Variants in SLC2A5 observed in about 807,000 individuals in gnomAD.
The protein encoded by SLC2A5 is solute carrier family 2 member 5.
Under a neutral mutation model 50.3 loss-of-function variants are expected in SLC2A5, and 56 were observed. The ratio of observed to expected loss-of-function variants is 1.11; its 90% CI spans 0.90 to 1.39. The LOEUF (loss-of-function observed/expected upper bound fraction) is 1.39, where lower values mean the gene tolerates loss of function less well. SLC2A5 is among the 40% of genes most tolerant of loss of function. The probability of loss-of-function intolerance (pLI) is 0.00; values close to 1 mark genes in which losing one functional copy is unlikely to be tolerated. For synonymous variants in SLC2A5, 269 were observed against 281.9 expected (o/e 0.95, Z 0.46); for missense variants, 566 against 650.1 (o/e 0.87, Z 1.41).
chr1:9,065,134 C>T (rs1020991392), intron 1 of SLC2A5, among the ~76,000 whole-genome samples: 12 of 151,926 alleles, frequency 7.9e-5, no homozygotes, highest in African/African-American at 2.2e-4. Flanking sequence ...TAACAAACAC[C>T]GTTTGTAATC....
At chr1:9,064,945 C>T (rs949852030) in intron 1 of SLC2A5, among the ~76,000 whole-genome samples, 10 of 151,192 alleles carry the variant, frequency 6.6e-5, no homozygotes, top group African/African-American at 9.7e-5. Flanking sequence ...CCCAGCTACT[C>T]GGGAGGCTGA....
chr1:9,077,627 C>A (rs977984766), intron 2 of SLC2A5, among the ~76,000 whole-genome samples: 6 of 150,094 alleles, frequency 4.0e-5, no homozygotes, highest in African/African-American at 1.5e-4. Context: ...TGGTGGCAGG[C>A]ACCTGTAATT....
Position 9,040,408 on chromosome 1 carries a change from C to A in SLC2A5, c.572-219G>T. The A allele has an allele frequency of 3.4e-6, 2 of 580,192 alleles. No individual in the cohort carries two copies. The highest frequency in any genetic ancestry group is 6.0e-6 in the Non-Finnish European group (2 of 331,606). 35.9% of individuals were successfully genotyped at this position (580,192 alleles called of 1,614,324 possible). A position where few individuals can be genotyped will look rare whatever the true frequency, so the allele number is the denominator to read the frequency against. The stretch of plus-strand genomic sequence containing the variant: ...GCACCCCTGCGCCCATCAGACAGAC[C>A]ACACCGACGAGGCCGGTAATACCAT... On this transcript the variant is annotated intron_variant, in intron 5 of 11. Transcript: ENST00000377424. The surrounding 1 kb of genome is among the most constrained non-coding windows in gnomAD (Gnocchi z 4.3).
At chr1:9,082,850 C>T (rs1642368695) in intron 2 of SLC2A5, 9 of 363,102 alleles carry the variant, frequency 2.5e-5, no homozygotes, top group East Asian at 9.1e-5. Context: ...AGCAGCAGTT[C>T]GATGATCATG....
At chr1:9,091,392 C>A (rs936915056), upstream of SLC2A5, among the ~76,000 whole-genome samples, 1 of 152,188 alleles carries the variant, frequency 6.6e-6, no homozygotes. Flanking sequence ...AACAACTGGA[C>A]CCCGTTTATA....
At position 9,069,542 on chromosome 1, in the gene SLC2A5, C is replaced by T; in HGVS notation, c.-6G>A. 6.2e-7 allele frequency: 1 copy of T among 1,614,098 alleles called. No individual in the cohort carries two copies. The highest frequency in any genetic ancestry group is 1.1e-5 in the South Asian group (1 of 91,062). ...CTCTGATCCTGTTGCTCCATGCTTGCTCTGGAAGGGCAGAGTGCCGCTCAC... is the reference window on the plus strand; with the variant it reads ...CTCTGATCCTGTTGCTCCATGCTTGTTCTGGAAGGGCAGAGTGCCGCTCAC... On this transcript the variant is annotated 5_prime_UTR_variant, in exon 1 of 12. Transcript: ENST00000377424.
chr1:9,041,755 G>C, intron 5 of SLC2A5, 30 bp downstream of exon 5: 4 of 1,614,022 alleles, frequency 2.5e-6, no homozygotes, highest in Non-Finnish European at 3.4e-6. Flanking sequence ...GTGAAGGGGT[G>C]GGGGTGCTCC....
intron 2 of SLC2A5, among the ~76,000 whole-genome samples, chr1:9,079,881 T>C (rs1642333775): frequency 1.3e-5 from 2 of 152,248 alleles, no homozygotes; most frequent in African/African-American, 4.8e-5. Context: ...GGTAAGTATA[T>C]TCACATTGTT....
At chr1:9,059,536 C>CTTTTTTTT (rs58395185) in intron 1 of SLC2A5, among the ~76,000 whole-genome samples, 22,190 of 97,668 alleles carry the variant, frequency 0.23, 3,718 homozygotes, top group African/African-American at 0.25. Context: ...TACAGAGAAT[C>CTTTTTTTT]TTTTTTTTTT....
intron 2 of SLC2A5, among the ~76,000 whole-genome samples, chr1:9,077,588 A>C (rs1642303079): frequency 1.1e-5 from 1 of 94,008 alleles, no homozygotes; most frequent in African/African-American, 5.3e-5. Context: ...TAAAAATACA[A>C]AAAAAAAAAG....
In SLC2A5 at chr1:9,037,710, G is replaced by A. The variant is rs142910372; in HGVS notation, c.1382C>T (p.Pro461Leu). Residue 461 changes from proline (P) to leucine (L), a missense_variant, in exon 12 of 12, where the codon CCG becomes CTG. Transcript: ENST00000377424. ...LTTIYIFLIV[P>L]ETKAKTFIEI... Reference sequence around the variant, plus strand: ...TATGAACGTCTTGGCCTTGGTCTCCGGGACAATCAAGAAGATGTAGATGGT... The same window carrying A: ...TATGAACGTCTTGGCCTTGGTCTCCAGGACAATCAAGAAGATGTAGATGGT... The A allele has an allele frequency of 1.2e-4, 190 of 1,614,040 alleles. No individual in the cohort carries two copies. Among genetic ancestry groups the A allele is most frequent in the Non-Finnish European group, 1.5e-4 (178 of 1,180,024 alleles).
chr1:9,092,360 G>A (rs1462458873), upstream of SLC2A5, among the ~76,000 whole-genome samples: 1 of 151,992 alleles, frequency 6.6e-6, no homozygotes, highest in Non-Finnish European at 1.5e-5. Flanking sequence ...CTCTTCTACG[G>A]GACATTCACA....
At chr1:9,072,611 G>T (rs1344048740), upstream of SLC2A5, among the ~76,000 whole-genome samples, 1 of 151,954 alleles carries the variant, frequency 6.6e-6, no homozygotes, top group East Asian at 1.9e-4. Flanking sequence ...ACAATCACTT[G>T]GTGATAGGAT....
intron 3 of SLC2A5, among the ~76,000 whole-genome samples, chr1:9,050,289 A>AT (rs1307154148): frequency 3.3e-5 from 5 of 151,542 alleles, no homozygotes; most frequent in Non-Finnish European, 7.4e-5. Flanking sequence ...AAAAAAAAAA[A>AT]GAAAAAATTC....
chr1:9,081,283 C>CAAAAA (rs1250033751), intron 2 of SLC2A5, among the ~76,000 whole-genome samples: 1 of 123,392 alleles, frequency 8.1e-6, no homozygotes, highest in African/African-American at 3.2e-5. Context: ...AAAAAAACCC[C>CAAAAA]AAAAAAAAAA....
chr1:9,039,693 C>T (rs1460938045), intron 7 of SLC2A5, 31 bp from the exon 8 acceptor site: 7 of 1,478,832 alleles, frequency 4.7e-6, no homozygotes, highest in Non-Finnish European at 5.4e-6. Context: ...TGGGCGGCTG[C>T]CCGGAGGAGG....
At chr1:9,072,876 C>A (rs1413076392), upstream of SLC2A5, among the ~76,000 whole-genome samples, 2 of 151,208 alleles carry the variant, frequency 1.3e-5, no homozygotes, top group African/African-American at 4.9e-5. Flanking sequence ...GTAGGAGAAT[C>A]GCTTGAACCC....
chr1:9,082,743 G>A, intron 2 of SLC2A5: 1 of 385,278 alleles, frequency 2.6e-6, no homozygotes, highest in Admixed American at 3.4e-5. Flanking sequence ...CCAGTTGTGG[G>A]TGCAATCTTG....
At chr1:9,047,807 T>G (rs780473261) in intron 3 of SLC2A5, 73 bp from the exon 4 acceptor site, 54 of 1,519,912 alleles carry the variant, frequency 3.6e-5, no homozygotes, top group Non-Finnish European at 4.5e-5. Context: ...TTCTGGAGTG[T>G]CTCCTCTGCA....
Sources: allele counts gnomAD v4.1 joint callset (sites outside exome capture counted in the v4.1 genomes callset), GRCh38; gene constraint gnomAD v4.1.1; non-coding constraint Gnocchi (gnomAD v3.1); transcripts MANE v1.5; gene names NCBI Gene and HGNC (gene_info 2026-07-23, HGNC 2026-07-21).